The following UHMK1 variants were observed in gnomAD, a reference collection of about 807,000 sequenced individuals.
UHMK1 encodes the protein U2AF homology motif kinase 1.
In UHMK1, 18 loss-of-function variants were observed where a neutral mutation model predicts 44.0. The ratio of observed to expected loss-of-function variants is 0.41; its 90% CI spans 0.28 to 0.61. The LOEUF is 0.61. Ranked by LOEUF, UHMK1 falls within the 20% of genes least tolerant of loss-of-function variation. The probability of loss-of-function intolerance (pLI) is 0.31; values close to 1 mark genes in which losing one functional copy is unlikely to be tolerated. For synonymous variants in UHMK1, 231 were observed against 198.5 expected (o/e 1.16, Z -1.38); for missense variants, 463 against 522.5 (o/e 0.89, Z 1.11).
At chr1:162,499,100 C>T (rs1352012178) in intron 1 of UHMK1, among the ~76,000 whole-genome samples, 2 of 152,014 alleles carry the variant, frequency 1.3e-5, no homozygotes, top group African/African-American at 4.8e-5. Context: ...TGCCTGATCT[C>T]TGCAAGATTA....
intron 2 of UHMK1, 163 bp downstream of exon 2, chr1:162,500,410 C>A: frequency 1.2e-6 from 1 of 804,072 alleles, no homozygotes; most frequent in Non-Finnish European, 1.9e-6. Flanking sequence ...TCAGTGCCAC[C>A]GTGTAAAAAA....
chr1:162,526,162 A>G lies in UHMK1; in HGVS notation c.*3612A>G, dbSNP rs1259004817. 1 of 151,958 alleles carries G rather than the reference A, an allele frequency of 6.6e-6. No homozygotes were observed. Among genetic ancestry groups the G allele is most frequent in the African/African-American group, 2.4e-5 (1 of 41,390 alleles). The allele number at this position is 151,958 out of a possible 1,614,324, so 9.4% of individuals were successfully genotyped here. On this transcript the variant is annotated 3_prime_UTR_variant, in exon 8 of 8. Transcript: ENST00000489294. ...GCTGTTTCATGGCTTGTTTTAGTTA[A>G]TTTATCATGCAGATAACTAACATTT...
chr1:162,526,038 A>G lies in UHMK1; in HGVS notation c.*3488A>G, dbSNP rs1652235516. The G allele has an allele frequency of 6.6e-6, 1 of 152,220 alleles. No homozygotes were observed. The highest frequency in any genetic ancestry group is 1.5e-5 in the Non-Finnish European group (1 of 68,034). 9.4% of individuals were successfully genotyped at this position (152,220 alleles called of 1,614,324 possible). ...AGAAAGCTGAAGAGAAACCATGGGCAGAAGGCTTTTTTCTGTCTTATTACA... is the reference window on the plus strand; with the variant it reads ...AGAAAGCTGAAGAGAAACCATGGGCGGAAGGCTTTTTTCTGTCTTATTACA... On this transcript the variant is annotated 3_prime_UTR_variant, in exon 8 of 8. Coordinates refer to ENST00000489294, the MANE Select transcript of UHMK1 (RefSeq NM_175866.5).
intron 3 of UHMK1, among the ~76,000 whole-genome samples, chr1:162,503,135 C>G (rs544599024): frequency 1.3e-5 from 2 of 152,226 alleles, no homozygotes; most frequent in African/African-American, 4.8e-5. Context: ...TACGGAGATA[C>G]CCTGAGTCAC....
At chr1:162,515,149 AAAACAGC>A (rs1651792185) in intron 6 of UHMK1, among the ~76,000 whole-genome samples, 1 of 116,170 alleles carries the variant, frequency 8.6e-6, no homozygotes, top group Admixed American at 8.7e-5. Flanking sequence ...AAAAAAATTT[AAAACAGC>A]AAACAGAAAG....
intron 4 of UHMK1, among the ~76,000 whole-genome samples, chr1:162,507,343 C>T (rs1651504041): frequency 6.6e-6 from 1 of 152,144 alleles, no homozygotes; most frequent in South Asian, 2.1e-4. Flanking sequence ...TGGTCTTGAA[C>T]TCCTGATCTC....
At chr1:162,520,930 A>G (rs1652032276) in intron 7 of UHMK1, among the ~76,000 whole-genome samples, 1 of 152,328 alleles carries the variant, frequency 6.6e-6, no homozygotes, top group South Asian at 2.1e-4. Flanking sequence ...TTTTCCAGAG[A>G]GAAGTATCCA....
intron 4 of UHMK1, among the ~76,000 whole-genome samples, chr1:162,511,566 A>G (rs1488664464): frequency 1.3e-5 from 2 of 151,986 alleles, no homozygotes; most frequent in Non-Finnish European, 2.9e-5. Flanking sequence ...CACCCTGTTC[A>G]TTGTTTCCTT....
At chr1:162,513,397 T>C (rs1038889200) in intron 6 of UHMK1, among the ~76,000 whole-genome samples, 1 of 152,254 alleles carries the variant, frequency 6.6e-6, no homozygotes, top group Non-Finnish European at 1.5e-5. Context: ...GCTCTCTTTT[T>C]TGCTTTTAAC....
chr1:162,514,598 G>A (rs1049103340), intron 6 of UHMK1, among the ~76,000 whole-genome samples: 3 of 152,124 alleles, frequency 2.0e-5, no homozygotes, highest in Non-Finnish European at 4.4e-5. Flanking sequence ...AATATTTATT[G>A]TAGGAAGGAA....
In UHMK1 at chr1:162,522,697, G is replaced by A; in HGVS notation, c.*147G>A. 3.3e-6 allele frequency: 3 copies of A among 908,056 alleles called. No homozygotes were observed. Among genetic ancestry groups the A allele is most frequent in the African/African-American group, 1.7e-5 (1 of 59,426 alleles). 56.2% of individuals were successfully genotyped at this position (908,056 alleles called of 1,614,324 possible). On this transcript the variant is annotated 3_prime_UTR_variant, in exon 8 of 8. Transcript: ENST00000489294. The stretch of plus-strand genomic sequence containing the variant: ...CTAATGTGCAGCCATTGCCCAAGCA[G>A]TGACTGCGTTGCATACATTTGGCAC...
At chr1:162,510,671 T>A (rs1571011760) in intron 4 of UHMK1, among the ~76,000 whole-genome samples, 1 of 146,432 alleles carries the variant, frequency 6.8e-6, no homozygotes, top group African/African-American at 2.7e-5. Flanking sequence ...TGTTTTTTAA[T>A]TTTTTTTTTA....
Position 162,522,390 on chromosome 1 carries a change from CTG to C in UHMK1, c.1114-12_1114-11del, listed in dbSNP as rs768951514. The C allele has an allele frequency of 6.2e-7, 1 of 1,611,622 alleles. No homozygotes were observed. The highest frequency in any genetic ancestry group is 8.5e-7 in the Non-Finnish European group (1 of 1,179,284). On this transcript the variant is annotated splice_polypyrimidine_tract_variant and intron_variant, in intron 7 of 7. Coordinates refer to ENST00000489294, the MANE Select transcript of UHMK1 (RefSeq NM_175866.5). ...TGGTGGAAATGAAATGTTTTTTTCT[CTG>C]TCTTCTTTCAGGTCTTTGTTGAGTA...
chr1:162,505,055 G>A (rs1307845956), intron 4 of UHMK1, among the ~76,000 whole-genome samples: 1 of 152,194 alleles, frequency 6.6e-6, no homozygotes, highest in Non-Finnish European at 1.5e-5. Flanking sequence ...GATTACAGGT[G>A]TGTGCCACCG....
intron 6 of UHMK1, among the ~76,000 whole-genome samples, chr1:162,515,066 G>C (rs915863052): frequency 1.1e-4 from 17 of 151,912 alleles, no homozygotes; most frequent in Admixed American, 4.6e-4. Context: ...CTAGACTCTT[G>C]ACCTATTTTT....
At position 162,525,119 on chromosome 1, in the gene UHMK1, T is replaced by C. The variant is rs1652201282; in HGVS notation, c.*2569T>C. ...GAAATGCCTCCTGTGATTGAAATTA[T>C]TTTATAGCTCTTAGCCCGTTCTACC... On this transcript the variant is annotated 3_prime_UTR_variant, in exon 8 of 8. Transcript: ENST00000489294. 6.6e-6 allele frequency: 1 copy of C among 152,170 alleles called. No individual in the cohort carries two copies. Among genetic ancestry groups the C allele is most frequent in the South Asian group, 2.1e-4 (1 of 4,824 alleles). The allele number at this position is 152,170 out of a possible 1,614,324, so 9.4% of individuals were successfully genotyped here.
intron 3 of UHMK1, among the ~76,000 whole-genome samples, chr1:162,503,534 C>T (rs927757114): frequency 6.7e-6 from 1 of 150,210 alleles, no homozygotes; most frequent in African/African-American, 2.5e-5. Context: ...TCACTTAAAC[C>T]TGGGAGGCAG....
At chr1:162,514,694 AG>A (rs1651778029) in intron 6 of UHMK1, among the ~76,000 whole-genome samples, 1 of 152,238 alleles carries the variant, frequency 6.6e-6, no homozygotes, top group Non-Finnish European at 1.5e-5. Context: ...GAAGTGAGGC[AG>A]GTTGGGGTTT....
chr1:162,497,352 G>C (rs1651083880), upstream of UHMK1: 1 of 696,798 alleles, frequency 1.4e-6, no homozygotes, highest in African/African-American at 1.8e-5. Context: ...GAATTTTAGA[G>C]TGCCCTGGCC....
Sources: allele counts gnomAD v4.1 joint callset (sites outside exome capture counted in the v4.1 genomes callset), GRCh38; gene constraint gnomAD v4.1.1; transcripts MANE v1.5; gene names NCBI Gene and HGNC (gene_info 2026-07-23, HGNC 2026-07-21).